The following YEATS2 variants were observed in gnomAD, a reference collection of about 807,000 sequenced individuals.
YEATS2 encodes the protein YEATS domain containing 2, also known as YEATS domain-containing protein 2.
A neutral mutation model predicts 163.2 loss-of-function variants in YEATS2; 77 were observed. That is an observed-to-expected ratio of 0.47 (90% CI 0.39 to 0.57). The LOEUF is 0.57. YEATS2 is among the 20% of genes least tolerant of loss of function. YEATS2 has a pLI of 0.00. For missense variants in YEATS2, 1,549 were observed against 1,729.8 expected, an observed-to-expected ratio of 0.90 and a Z score of 1.85; for synonymous variants, 631 against 645.1, an observed-to-expected ratio of 0.98 and a Z score of 0.33.
chr3:183,736,562 A>G lies in YEATS2; in HGVS notation c.813-156A>G, dbSNP rs562675367. 2.3e-3 allele frequency among the ~76,000 whole-genome samples: 356 copies of G among 152,350 alleles called. 1 individual carries two copies. Among genetic ancestry groups the G allele is most frequent in the African/African-American group, 8.4e-3 (349 of 41,590 alleles). ...TTTTTCTTTTAAAATTTATCATTTT[A>G]GCAAAATTCGGCATGTTGATTTAGT... On this transcript the variant is annotated intron_variant, in intron 7 of 30. Coordinates refer to ENST00000305135, the MANE Select transcript of YEATS2 (RefSeq NM_018023.5).
At chr3:183,721,813 G>A (rs899486814) in intron 4 of YEATS2, 78 bp from the exon 5 acceptor site, 3 of 1,558,898 alleles carry the variant, frequency 1.9e-6, no homozygotes, top group African/African-American at 1.4e-5. Context: ...AATAGATAAG[G>A]TTTTGGAGAG....
At position 183,800,564 on chromosome 3, in the gene YEATS2, A is replaced by G; in HGVS notation, c.3424A>G (p.Ile1142Val). The G allele has an allele frequency of 6.2e-7, 1 of 1,613,102 alleles. No homozygotes were observed. The change falls in exon 24 of 31, where the codon ATT (isoleucine) becomes GTT (valine). Residue 1142 changes from isoleucine (I) to valine (V), a missense_variant. Transcript: ENST00000305135. The part of the protein sequence containing the change: ...EESSELGNYV[I>V]KIDHLETIQQ... ...AAGTTCTGAGCTGGGAAACTATGTC[A>G]TTAAGTAATTCTTCCAATCTTTCCT...
intron 9 of YEATS2, among the ~76,000 whole-genome samples, chr3:183,751,250 GA>G (rs1720133933): frequency 6.6e-6 from 1 of 152,166 alleles, no homozygotes; most frequent in Non-Finnish European, 1.5e-5. Flanking sequence ...AAGATCATTT[GA>G]CCATATATGT....
intron 13 of YEATS2, among the ~76,000 whole-genome samples, chr3:183,761,234 C>T (rs1721316902): frequency 1.3e-5 from 2 of 151,894 alleles, no homozygotes; most frequent in Admixed American, 1.3e-4. Context: ...ATTACAGGCA[C>T]CCGCCACCAC....
chr3:183,791,935 A>T (rs146619560), intron 21 of YEATS2, among the ~76,000 whole-genome samples: 1 of 152,294 alleles, frequency 6.6e-6, no homozygotes, highest in African/African-American at 2.4e-5. Context: ...GAGATTGATA[A>T]TAATACCTAC....
intron 2 of YEATS2, among the ~76,000 whole-genome samples, chr3:183,716,401 A>G (rs1390020633): frequency 6.6e-6 from 1 of 152,234 alleles, no homozygotes; most frequent in African/African-American, 2.4e-5. Context: ...TAGGATCCGT[A>G]GAGTGGAAAT....
chr3:183,743,485 G>A (rs752317880), intron 8 of YEATS2, among the ~76,000 whole-genome samples: 7 of 151,900 alleles, frequency 4.6e-5, no homozygotes, highest in African/African-American at 7.3e-5. Flanking sequence ...GACCACAAGC[G>A]CATGCCACTA....
At chr3:183,742,511 G>A (rs1719082157) in intron 8 of YEATS2, among the ~76,000 whole-genome samples, 1 of 152,210 alleles carries the variant, frequency 6.6e-6, no homozygotes, top group East Asian at 1.9e-4. Context: ...ATTAGAAGTA[G>A]AGCCTGACAG....
intron 1 of YEATS2, among the ~76,000 whole-genome samples, chr3:183,710,037 C>T (rs529026012): frequency 2.5e-4 from 38 of 152,262 alleles, no homozygotes; most frequent in Middle Eastern, 6.8e-3. Flanking sequence ...TTAGTCGCAG[C>T]GTTACATTTA....
At chr3:183,765,397 A>G (rs1012844324) in intron 15 of YEATS2, among the ~76,000 whole-genome samples, 2 of 152,176 alleles carry the variant, frequency 1.3e-5, no homozygotes, top group South Asian at 2.1e-4. Flanking sequence ...GACTTGTCAC[A>G]TGGCCACCTA....
intron 20 of YEATS2, among the ~76,000 whole-genome samples, chr3:183,788,363 G>A (rs946450382): frequency 6.6e-6 from 1 of 152,058 alleles, no homozygotes; most frequent in African/African-American, 2.4e-5. Context: ...GGGTTCAGTT[G>A]TTTTAATTGT....
Position 183,797,668 on chromosome 3 carries a change from C to G in YEATS2, c.3098-255C>G, listed in dbSNP as rs576185926. Among the ~76,000 whole-genome samples the G allele has an allele frequency of 5.7e-4, 86 of 152,020 alleles. 1 individual carries two copies. Among genetic ancestry groups the G allele is most frequent in the South Asian group, 3.8e-3 (18 of 4,796 alleles). ...TTGAACCTGGGAGGCAGAGGTTGCA[C>G]TAAGCCGAGATCGCGTCAGCCTGGG... On this transcript the variant is annotated intron_variant, in intron 21 of 30. Transcript: ENST00000305135.
intron 5 of YEATS2, among the ~76,000 whole-genome samples, chr3:183,722,408 C>T (rs2109064177): frequency 6.6e-6 from 1 of 150,984 alleles, no homozygotes; most frequent in East Asian, 2.0e-4. Context: ...CCTGCTTCAG[C>T]CTCCTGAGTA....
chr3:183,727,157 C>A (rs900063003), intron 6 of YEATS2, among the ~76,000 whole-genome samples: 6 of 151,918 alleles, frequency 3.9e-5, no homozygotes, highest in Non-Finnish European at 8.8e-5. Flanking sequence ...TTGATGAATA[C>A]ATTGATATAC....
chr3:183,812,249 C>T lies in YEATS2; in HGVS notation c.*1666C>T, dbSNP rs1286765107. 6.6e-6 allele frequency: 1 copy of T among 152,208 alleles called. No individual in the cohort carries two copies. The highest frequency in any genetic ancestry group is 1.5e-5 in the Non-Finnish European group (1 of 68,072). 9.4% of individuals were successfully genotyped at this position (152,208 alleles called of 1,614,324 possible). ...GACCCCGTCTCAAAAATTGATTGAT[C>T]AATTCAGCATCTGAGGGCTGCAAGT... On this transcript the variant is annotated 3_prime_UTR_variant, in exon 31 of 31. Coordinates refer to ENST00000305135, the MANE Select transcript of YEATS2 (RefSeq NM_018023.5).
intron 3 of YEATS2, among the ~76,000 whole-genome samples, chr3:183,718,086 T>C (rs1409809163): frequency 6.6e-6 from 1 of 152,196 alleles, no homozygotes; most frequent in Non-Finnish European, 1.5e-5. Context: ...AGAGAAAGGA[T>C]AAATGCTTGA....
At chr3:183,782,350 C>A (rs1723652225) in intron 19 of YEATS2, among the ~76,000 whole-genome samples, 1 of 151,914 alleles carries the variant, frequency 6.6e-6, no homozygotes. Context: ...CTCAGGTGAT[C>A]CACCCGCCTC....
intron 8 of YEATS2, among the ~76,000 whole-genome samples, chr3:183,746,095 C>G (rs771400744): frequency 3.9e-5 from 6 of 152,024 alleles, no homozygotes; most frequent in Admixed American, 6.6e-5. Context: ...TAGGATCTCC[C>G]TTTTTCACCC....
At chr3:183,745,907 C>T (rs1719488201) in intron 8 of YEATS2, among the ~76,000 whole-genome samples, 1 of 152,172 alleles carries the variant, frequency 6.6e-6, no homozygotes, top group Admixed American at 6.5e-5. Flanking sequence ...ACACGGTTCA[C>T]TGCAGTCTCA....
Sources: allele counts gnomAD v4.1 joint callset (sites outside exome capture counted in the v4.1 genomes callset), GRCh38; gene constraint gnomAD v4.1.1; transcripts MANE v1.5; gene names NCBI Gene and HGNC (gene_info 2026-07-23, HGNC 2026-07-21).